The following SYNRG variants were observed in gnomAD, a reference collection of about 807,000 sequenced individuals.
SYNRG encodes the protein synergin gamma.
In SYNRG, 37 loss-of-function variants were observed where a neutral mutation model predicts 130.9. That is an observed-to-expected ratio of 0.28 (90% CI 0.22 to 0.37). The LOEUF is 0.37. Ranked by LOEUF, SYNRG falls within the 10% of genes least tolerant of loss-of-function variation. The pLI, the probability that SYNRG is intolerant of heterozygous loss-of-function variation, is 1.00. For missense variants in SYNRG, 1,338 were observed against 1,588.9 expected (o/e 0.84, Z 2.68); for synonymous variants, 539 against 568.1 (o/e 0.95, Z 0.73).
rs143632042 is a variant in SYNRG at position 37,542,112 on chromosome 17, G to A, written c.3062C>T (p.Ser1021Leu). ...ACTTTGAAACTCTCCAAAGTCATCC[G>A]AACATTCGTTCGGGGTTTCTTGAGA... ...GASQETPNEC[S>L]DDFGEFQSEK... Residue 1021 changes from serine to leucine, a missense_variant, in exon 15 of 22, where the codon TCG becomes TTG. Physicochemically the swap from Ser to Leu is moderately radical, Grantham distance 145 (BLOSUM62 -2). This residue lies in a region of SYNRG where 1,146 missense variants were observed against 1,342.3 expected (regional missense o/e 0.85). Transcript: ENST00000612223. 79 of 1,614,192 alleles carry A rather than the reference G, an allele frequency of 4.9e-5. No homozygotes were observed. In the South Asian group the frequency reaches 6.6e-4, roughly 13 times the overall value.
At chr17:37,586,691 CAAAT>C (rs1265250834) in intron 3 of SYNRG, 142 bp from the exon 4 acceptor site, 6 of 977,420 alleles carry the variant, frequency 6.1e-6, no homozygotes, top group African/African-American at 3.3e-5. Context: ...TGCAAAGATG[CAAAT>C]AAATAAAAGA....
chr17:37,596,482 G>T, intron 2 of SYNRG, 138 bp from the exon 3 acceptor site: 1 of 817,934 alleles, frequency 1.2e-6, no homozygotes, highest in Non-Finnish European at 1.9e-6. Flanking sequence ...TGAGACAGAT[G>T]TGAATATGAA....
chr17:37,529,717 A>T, intron 19 of SYNRG: 3 of 1,462,196 alleles, frequency 2.1e-6, no homozygotes, highest in Non-Finnish European at 2.8e-6. Flanking sequence ...GCAACCCAGG[A>T]ATCTCCCCAC....
Position 37,544,363 on chromosome 17 carries a change from G to A in SYNRG, c.2609-1798C>T, listed in dbSNP as rs571074510. Among the ~76,000 whole-genome samples the A allele has an allele frequency of 1.1e-4, 17 of 151,726 alleles. No homozygotes were observed. In the East Asian group the frequency reaches 3.3e-3, roughly 29 times the overall value. ...GAGTTTCACTCTTGTCACCCAGCCT[G>A]GAGTGCAATGGCGCGATCTCGGCTC... On this transcript the variant is annotated intron_variant, in intron 14 of 21. Coordinates refer to ENST00000612223, the MANE Select transcript of SYNRG (RefSeq NM_007247.6).
At chr17:37,585,830 T>G (rs937277494) in intron 4 of SYNRG, among the ~76,000 whole-genome samples, 2 of 152,218 alleles carry the variant, frequency 1.3e-5, no homozygotes, top group Non-Finnish European at 2.9e-5. Context: ...TCAGGAAGCC[T>G]GCCTTTGGGT....
chr17:37,577,706 T>G, intron 6 of SYNRG, 93 bp from the exon 7 acceptor site: 2 of 1,065,400 alleles, frequency 1.9e-6, no homozygotes, highest in Non-Finnish European at 2.7e-6. Flanking sequence ...TTTTTTTTTT[T>G]TTTTTTTTTT....
chr17:37,601,400 A>T (rs1235009977), intron 1 of SYNRG, among the ~76,000 whole-genome samples: 1 of 152,086 alleles, frequency 6.6e-6, no homozygotes, highest in Non-Finnish European at 1.5e-5. Context: ...TTTTATTTTG[A>T]ATATTATATG....
At chr17:37,562,426 C>G (rs550908059) in intron 11 of SYNRG, among the ~76,000 whole-genome samples, 96 of 151,338 alleles carry the variant, frequency 6.3e-4, no homozygotes, top group Non-Finnish European at 1.1e-3. Context: ...CTTATCAGAC[C>G]CAGGCAGCTC....
At chr17:37,587,959 GTTAA>G (rs2061831131) in intron 3 of SYNRG, among the ~76,000 whole-genome samples, 1 of 152,050 alleles carries the variant, frequency 6.6e-6, no homozygotes, top group African/African-American at 2.4e-5. Flanking sequence ...TCTCCCACCT[GTTAA>G]TTTATTTTTT....
chr17:37,533,926 C>CTTTTTTTTTTTTTTTT lies in SYNRG; in HGVS notation c.3666+2037_3666+2052dup, dbSNP rs765621244. ...AGGTTTCTAAACTTCATTTTCTTTTCTTTTTTTTTTTTTTTTTTTTTTTTT... is the reference window on the plus strand; with the variant it reads ...AGGTTTCTAAACTTCATTTTCTTTTCTTTTTTTTTTTTTTTTTTTTTTTTTTTTTTTTTTTTTTTTT... On this transcript the variant is annotated intron_variant, in intron 19 of 21. Coordinates refer to ENST00000612223, the MANE Select transcript of SYNRG (RefSeq NM_007247.6). Among the ~76,000 whole-genome samples the CTTTTTTTTTTTTTTTT allele has an allele frequency of 2.2e-4, 13 of 57,810 alleles. 1 individual carries two copies. Among genetic ancestry groups the CTTTTTTTTTTTTTTTT allele is most frequent in the Admixed American group, 5.0e-4 (2 of 4,026 alleles). 37.9% of individuals were successfully genotyped at this position (57,810 alleles called of 152,430 possible).
chr17:37,561,778 C>G (rs1332225120), intron 11 of SYNRG, among the ~76,000 whole-genome samples, 189 bp from the exon 12 acceptor site: 2 of 150,824 alleles, frequency 1.3e-5, no homozygotes, highest in Non-Finnish European at 3.0e-5. Context: ...TTTCAAAAAA[C>G]AAAACAAAAC....
intron 11 of SYNRG, among the ~76,000 whole-genome samples, chr17:37,565,926 C>T (rs1422402550): frequency 6.9e-6 from 1 of 145,900 alleles, no homozygotes; most frequent in Non-Finnish European, 1.5e-5. Flanking sequence ...GGGGTCAGCC[C>T]CCTGCCCGGC....
At chr17:37,519,577 G>T (rs1473690522) in intron 21 of SYNRG, among the ~76,000 whole-genome samples, 4 of 152,102 alleles carry the variant, frequency 2.6e-5, no homozygotes, top group African/African-American at 9.7e-5. Flanking sequence ...AACTCTTAGG[G>T]TCTAATGGCA....
chr17:37,559,671 C>T (rs1042654781), intron 13 of SYNRG, among the ~76,000 whole-genome samples: 5 of 151,822 alleles, frequency 3.3e-5, no homozygotes, highest in African/African-American at 1.2e-4. Context: ...GCCTGGTTGA[C>T]AAAAATAAAA....
chr17:37,575,940 A>T (rs1324833803), intron 8 of SYNRG, among the ~76,000 whole-genome samples: 1 of 152,012 alleles, frequency 6.6e-6, no homozygotes, highest in Non-Finnish European at 1.5e-5. Flanking sequence ...GTATTACATG[A>T]CAAGTCATAG....
At chr17:37,592,766 C>A (rs1568512917) in intron 3 of SYNRG, among the ~76,000 whole-genome samples, 1 of 152,098 alleles carries the variant, frequency 6.6e-6, no homozygotes. Flanking sequence ...TAAGGTGGGG[C>A]AGGAAGGAAG....
intron 9 of SYNRG, 125 bp from the exon 10 acceptor site, chr17:37,571,010 A>C: frequency 1.2e-4 from 149 of 1,273,638 alleles, no homozygotes; most frequent in Non-Finnish European, 1.4e-4. Flanking sequence ...CTCAAAACTC[A>C]TGAATTTGAT....
At chr17:37,525,811 C>CA (rs1300585457) in intron 19 of SYNRG, among the ~76,000 whole-genome samples, 1 of 152,180 alleles carries the variant, frequency 6.6e-6, no homozygotes, top group African/African-American at 2.4e-5. Flanking sequence ...ACTAAAAATA[C>CA]AAAAATTAGC....
intron 3 of SYNRG, among the ~76,000 whole-genome samples, chr17:37,591,484 T>C (rs1259985655): frequency 6.6e-6 from 1 of 152,012 alleles, no homozygotes; most frequent in Non-Finnish European, 1.5e-5. Context: ...AAAATTAATA[T>C]GGAAAGACAG....
Sources: gnomAD v4.1 joint callset for allele counts (sites outside exome capture counted in the v4.1 genomes callset) on GRCh38, gnomAD v4.1.1 for gene constraint, gnomAD v4.1.1 regional missense constraint, MANE v1.5 for transcripts, NCBI Gene and HGNC (gene_info 2026-07-23, HGNC 2026-07-21) for gene names.